The following PLEKHH2 variants were observed in gnomAD, a reference collection of about 807,000 sequenced individuals.
PLEKHH2 encodes pleckstrin homology domain-containing family H member 2.
PLEKHH2 carries 129 observed loss-of-function variants against 187.9 expected under a neutral mutation model. The ratio of observed to expected loss-of-function variants is 0.69; its 90% CI spans 0.59 to 0.79. The LOEUF is 0.79. Ranked by LOEUF, PLEKHH2 falls within the 30% of genes least tolerant of loss-of-function variation. The pLI is 0.00. For missense variants in PLEKHH2, 2,076 were observed against 1,751.2 expected (o/e 1.19, Z -3.31); for synonymous variants, 686 against 605.6 (o/e 1.13, Z -1.95).
intron 24 of PLEKHH2, among the ~76,000 whole-genome samples, chr2:43,752,762 A>C (rs532216008): frequency 1.3e-5 from 2 of 152,286 alleles, no homozygotes; most frequent in East Asian, 3.9e-4. Flanking sequence ...GAGCCCCACA[A>C]ATCTCACATA....
intron 5 of PLEKHH2, 55 bp from the exon 6 acceptor site, chr2:43,695,088 G>A: frequency 1.1e-6 from 1 of 908,924 alleles, no homozygotes; most frequent in African/African-American, 1.7e-5. Context: ...TAATTTATTA[G>A]TACATTTTTA....
chr2:43,697,493 G>A (rs1669149675), intron 7 of PLEKHH2, 137 bp downstream of exon 7: 5 of 705,706 alleles, frequency 7.1e-6, no homozygotes, highest in Non-Finnish European at 1.1e-5. Flanking sequence ...TTTCTAAAGA[G>A]CAATACAACA....
intron 29 of PLEKHH2, 52 bp from the exon 30 acceptor site, chr2:43,765,361 G>C (rs1053829373): frequency 4.5e-6 from 7 of 1,559,658 alleles, no homozygotes; most frequent in Non-Finnish European, 5.3e-6. Context: ...CTCTCTTCTG[G>C]AAGTGATGAG....
chr2:43,694,542 C>T, intron 5 of PLEKHH2, 28 bp downstream of exon 5: 1 of 1,505,584 alleles, frequency 6.6e-7, no homozygotes, highest in Admixed American at 2.3e-5. Context: ...TTTTCCTTTT[C>T]TTTACCTTTT....
intron 1 of PLEKHH2, among the ~76,000 whole-genome samples, chr2:43,640,930 T>G (rs1665879506): frequency 6.7e-6 from 1 of 149,346 alleles, no homozygotes; most frequent in African/African-American, 2.5e-5. Flanking sequence ...ACTACAGGCC[T>G]GCACCACCAT....
chr2:43,672,753 T>A (rs2060168), intron 2 of PLEKHH2, among the ~76,000 whole-genome samples: 97,634 of 151,966 alleles, frequency 0.64, 32,109 homozygotes, highest in Middle Eastern at 0.71. Flanking sequence ...ACACCCATTT[T>A]TTTTCCTCCC....
chr2:43,716,690 A>G (rs1670226917), intron 15 of PLEKHH2, among the ~76,000 whole-genome samples: 1 of 152,268 alleles, frequency 6.6e-6, no homozygotes, highest in Non-Finnish European at 1.5e-5. Context: ...GTGTACAACC[A>G]TATGCCCATC....
intron 27 of PLEKHH2, among the ~76,000 whole-genome samples, chr2:43,759,362 C>G (rs1271206844): frequency 2.0e-5 from 3 of 152,238 alleles, no homozygotes; most frequent in Admixed American, 2.0e-4. Flanking sequence ...TTACTAAGTT[C>G]TGTCTGCTAA....
At chr2:43,709,500 C>T (rs1368922355) in intron 11 of PLEKHH2, among the ~76,000 whole-genome samples, 1 of 151,994 alleles carries the variant, frequency 6.6e-6, no homozygotes, top group African/African-American at 2.4e-5. Flanking sequence ...TGTAATCATA[C>T]CAAAATATTA....
intron 24 of PLEKHH2, among the ~76,000 whole-genome samples, chr2:43,746,174 A>G (rs1671771962): frequency 6.6e-6 from 1 of 152,238 alleles, no homozygotes; most frequent in African/African-American, 2.4e-5. Context: ...AAAGAATTAT[A>G]TTTTATGAAA....
intron 15 of PLEKHH2, among the ~76,000 whole-genome samples, chr2:43,714,224 T>C (rs1246385520): frequency 6.6e-6 from 1 of 152,246 alleles, no homozygotes; most frequent in East Asian, 1.9e-4. Flanking sequence ...TTTGCTTGCT[T>C]GTTTTTACTT....
intron 19 of PLEKHH2, among the ~76,000 whole-genome samples, chr2:43,735,010 A>AT (rs2104580398): frequency 6.6e-6 from 1 of 152,024 alleles, no homozygotes; most frequent in East Asian, 1.9e-4. Flanking sequence ...AAAATACAAA[A>AT]TTTATTTTGT....
chr2:43,702,585 G>A lies in PLEKHH2; in HGVS notation c.1651-1396G>A, dbSNP rs538471883. Reference sequence around the variant, plus strand: ...TTCTCTTACTCTTTTGAAGCTATTCGGTCCTGAAAAAGTAGTATTGCTTTT... The same window carrying A: ...TTCTCTTACTCTTTTGAAGCTATTCAGTCCTGAAAAAGTAGTATTGCTTTT... On this transcript the variant is annotated intron_variant, in intron 8 of 29. Coordinates refer to ENST00000282406, the MANE Select transcript of PLEKHH2 (RefSeq NM_172069.4). 1.2e-3 allele frequency among the ~76,000 whole-genome samples: 135 copies of A among 117,000 alleles called. 1 individual carries two copies. The highest frequency in any genetic ancestry group is 4.5e-3 in the African/African-American group (131 of 28,898). The allele number at this position is 117,000 out of a possible 152,430, so 76.8% of individuals were successfully genotyped here.
At chr2:43,666,370 G>A (rs1667212929) in intron 2 of PLEKHH2, among the ~76,000 whole-genome samples, 1 of 151,234 alleles carries the variant, frequency 6.6e-6, no homozygotes, top group South Asian at 2.1e-4. Context: ...TGCGCCCACT[G>A]TCTGGCACTC....
At chr2:43,765,344 C>G (rs1376655432) in intron 29 of PLEKHH2, 69 bp from the exon 30 acceptor site, 35 of 1,493,052 alleles carry the variant, frequency 2.3e-5, no homozygotes, top group Non-Finnish European at 3.1e-5. Context: ...CTGTGGCCAA[C>G]ACTTTACTCT....
intron 4 of PLEKHH2, among the ~76,000 whole-genome samples, chr2:43,693,017 C>T (rs1668888520): frequency 6.6e-6 from 1 of 152,170 alleles, no homozygotes; most frequent in African/African-American, 2.4e-5. Flanking sequence ...CACCCACAAC[C>T]AACAGGTTCA....
chr2:43,740,930 G>T lies in PLEKHH2; in HGVS notation c.3124-16G>T, dbSNP rs373557529. The T allele has an allele frequency of 2.5e-5, 41 of 1,612,336 alleles. No individual in the cohort carries two copies. The highest frequency in any genetic ancestry group is 4.0e-5 in the African/African-American group (3 of 74,842). On this transcript the variant is annotated splice_polypyrimidine_tract_variant and intron_variant, in intron 20 of 29. Coordinates refer to ENST00000282406, the MANE Select transcript of PLEKHH2 (RefSeq NM_172069.4). ...TGGCACGTGGTATCTAACCTGTGGTGCTTCTCCCTGCCCAGGGCTGGCAGC... is the reference window on the plus strand; with the variant it reads ...TGGCACGTGGTATCTAACCTGTGGTTCTTCTCCCTGCCCAGGGCTGGCAGC...
At chr2:43,736,165 G>A (rs1362574993) in intron 19 of PLEKHH2, among the ~76,000 whole-genome samples, 1 of 151,908 alleles carries the variant, frequency 6.6e-6, no homozygotes, top group Non-Finnish European at 1.5e-5. Flanking sequence ...AAACCCAAAA[G>A]AACAAACTAA....
At chr2:43,676,090 G>A (rs922573075) in intron 2 of PLEKHH2, 12 of 1,613,678 alleles carry the variant, frequency 7.4e-6, no homozygotes, top group Non-Finnish European at 1.0e-5. Context: ...CTCATCTTCG[G>A]ATTCTCCAAA....
Sources: allele counts gnomAD v4.1 joint callset (sites outside exome capture counted in the v4.1 genomes callset), GRCh38; gene constraint gnomAD v4.1.1; transcripts MANE v1.5; gene names NCBI Gene and HGNC (gene_info 2026-07-23, HGNC 2026-07-21).